Variants in ALMS1 observed in about 807,000 individuals in gnomAD.
The protein encoded by ALMS1 is ALMS1 centrosome and basal body associated protein.
ALMS1 carries 271 observed loss-of-function variants against 352.2 expected under a neutral mutation model. The ratio of observed to expected loss-of-function variants is 0.77; its 90% CI spans 0.70 to 0.85. The LOEUF is 0.85. ALMS1 is among the 40% of genes least tolerant of loss of function. ALMS1 has a pLI of 0.00. For synonymous variants in ALMS1, 1,865 were observed against 1,761.2 expected, an observed-to-expected ratio of 1.06 and a Z score of -1.48; for missense variants, 5,445 against 4,870.7, an observed-to-expected ratio of 1.12 and a Z score of -3.51.
intron 10 of ALMS1, among the ~76,000 whole-genome samples, chr2:73,493,911 A>T (rs1673045761): frequency 6.6e-6 from 1 of 152,148 alleles, no homozygotes; most frequent in African/African-American, 2.4e-5. Context: ...AAACGTGAAA[A>T]TTTATGTAGG....
intron 6 of ALMS1, among the ~76,000 whole-genome samples, chr2:73,427,470 G>A (rs1671404981): frequency 6.6e-6 from 1 of 151,740 alleles, no homozygotes; most frequent in African/African-American, 2.4e-5. Flanking sequence ...GCAACTCTAG[G>A]ATGTCATAAA....
At chr2:73,491,571 T>C (rs767329389) in intron 10 of ALMS1, 73 bp downstream of exon 10, 130 of 1,522,476 alleles carry the variant, frequency 8.5e-5, no homozygotes, top group South Asian at 2.9e-4. Context: ...TAAGTAGATA[T>C]CGGTTCTTGG....
intron 12 of ALMS1, among the ~76,000 whole-genome samples, chr2:73,543,337 C>T (rs956917792): frequency 6.6e-6 from 1 of 152,160 alleles, no homozygotes; most frequent in Non-Finnish European, 1.5e-5. Flanking sequence ...AAGTGGATCC[C>T]TTCCTTATAC....
At chr2:73,529,039 G>A (rs1222045401) in intron 11 of ALMS1, among the ~76,000 whole-genome samples, 3 of 99,512 alleles carry the variant, frequency 3.0e-5, no homozygotes, top group Non-Finnish European at 4.0e-5. Flanking sequence ...CCTCAAAGCA[G>A]TTTTTTTTTT....
intron 9 of ALMS1, among the ~76,000 whole-genome samples, chr2:73,472,043 A>G (rs1176780420): frequency 6.6e-6 from 1 of 152,088 alleles, no homozygotes; most frequent in East Asian, 1.9e-4. Flanking sequence ...GTATGTGACA[A>G]CATGGATGAC....
intron 10 of ALMS1, 48 bp downstream of exon 10, chr2:73,491,546 A>G: frequency 6.3e-7 from 1 of 1,591,766 alleles, no homozygotes; most frequent in Non-Finnish European, 8.6e-7. Flanking sequence ...TTTGTAATAA[A>G]GGGTTTCAAA....
chr2:73,593,886 A>T lies in ALMS1; in HGVS notation c.11548-5515A>T, dbSNP rs146391974. Among the ~76,000 whole-genome samples, 381 of 152,356 alleles carry T rather than the reference A, an allele frequency of 2.5e-3. 4 individuals carry two copies. Among genetic ancestry groups the T allele is most frequent in the African/African-American group, 8.8e-3 (367 of 41,586 alleles). Reference sequence around the variant, plus strand: ...TCATTCACTTAACATAGTATTTTCAAGGTTCGTACACCTCATAGCATGTGC... The same window carrying T: ...TCATTCACTTAACATAGTATTTTCATGGTTCGTACACCTCATAGCATGTGC... On this transcript the variant is annotated intron_variant, in intron 16 of 22. Transcript: ENST00000613296.
chr2:73,598,741 A>G (rs1043175645), intron 16 of ALMS1, among the ~76,000 whole-genome samples: 20 of 152,216 alleles, frequency 1.3e-4, no homozygotes, highest in African/African-American at 3.6e-4. Flanking sequence ...GATATTAACA[A>G]TGAACAAGTT....
chr2:73,483,967 C>T (rs888040382), intron 9 of ALMS1, among the ~76,000 whole-genome samples: 2 of 150,666 alleles, frequency 1.3e-5, no homozygotes, highest in Admixed American at 6.6e-5. Context: ...CTATGTGTGT[C>T]TCTGCATGTG....
At chr2:73,424,404 A>C (rs771336170) in intron 4 of ALMS1, 26 bp from the exon 5 acceptor site, 6 of 1,361,966 alleles carry the variant, frequency 4.4e-6, no homozygotes, top group Non-Finnish European at 5.0e-6. Flanking sequence ...TTATTTATTT[A>C]TTTATTTTTA....
intron 21 of ALMS1, among the ~76,000 whole-genome samples, chr2:73,607,790 T>C (rs933008420): frequency 2.1e-4 from 32 of 151,434 alleles, no homozygotes; most frequent in African/African-American, 6.8e-4. Context: ...ATTACAGGCA[T>C]CTGCCACCAT....
In ALMS1 at chr2:73,451,604, C is replaced by T. The variant is rs1671941473; in HGVS notation, c.5077C>T (p.Pro1693Ser). Residue 1693 changes from proline to serine, a missense_variant, in exon 8 of 23, where the codon CCT (proline) becomes TCT (serine). Physicochemically the swap from Pro to Ser is moderately conservative, Grantham distance 74 (BLOSUM62 -1). Transcript: ENST00000613296. Reference protein sequence around the residue: ...HLPEEALKVPPVPGPDAQKTE... With the variant: ...HLPEEALKVPSVPGPDAQKTE... ...ACCTGAAGAAGCTCTGAAAGTTCCA[C>T]CTGTTCCTGGACCAGATGCCCAGAA... 1 of 1,613,832 alleles carries T rather than the reference C, an allele frequency of 6.2e-7. No individual in the cohort carries two copies. Among genetic ancestry groups the T allele is most frequent in the Non-Finnish European group, 8.5e-7 (1 of 1,179,970 alleles).
intron 19 of ALMS1, 52 bp from the exon 20 acceptor site, chr2:73,602,133 G>C: frequency 6.4e-7 from 1 of 1,555,716 alleles, no homozygotes; most frequent in Non-Finnish European, 8.8e-7. Flanking sequence ...ATGGAGAGTA[G>C]ATTGCATCAT....
chr2:73,579,153 G>A (rs755715655), intron 16 of ALMS1, among the ~76,000 whole-genome samples: 1 of 142,134 alleles, frequency 7.0e-6, no homozygotes, highest in Non-Finnish European at 1.5e-5. Flanking sequence ...TCCACCTCCC[G>A]GGTTCCAGCA....
rs143885319 is a variant in ALMS1 at position 73,449,291 on chromosome 2, C to T, written c.2764C>T (p.Leu922=). ...GCCCATTATTTTTTCCCAGCAGACC[C>T]TGCCAGACTTTCTTTTCCCTGAAGA... ...EKPIIFSQQT[L]PDFLFPEEAL... Residue 922 remains leucine, a synonymous_variant, in exon 8 of 23, where the codon CTG becomes TTG. Transcript: ENST00000613296. The T allele has an allele frequency of 7.9e-4, 1,278 of 1,613,850 alleles. 6 individuals are homozygous for T. The African/African-American group carries it at 0.015, about 19-fold the overall frequency.
chr2:73,471,493 C>A (rs374994594), intron 9 of ALMS1, among the ~76,000 whole-genome samples: 128 of 113,572 alleles, frequency 1.1e-3, no homozygotes, highest in East Asian at 1.8e-3. Context: ...ACTCAACAGC[C>A]AAAAAAAAAA....
intron 9 of ALMS1, chr2:73,470,973 C>T (rs1672454298): frequency 6.6e-6 from 1 of 151,662 alleles, no homozygotes; most frequent in Admixed American, 6.6e-5. Context: ...TCACTTTTAG[C>T]CTGTGTGTCC....
chr2:73,558,309 T>C (rs1351820511), intron 14 of ALMS1, among the ~76,000 whole-genome samples: 1 of 152,250 alleles, frequency 6.6e-6, no homozygotes, highest in Non-Finnish European at 1.5e-5. Context: ...GCTTCTCTTC[T>C]TTAGGTATTG....
At chr2:73,499,766 A>C (rs1016868599) in intron 10 of ALMS1, among the ~76,000 whole-genome samples, 8 of 152,176 alleles carry the variant, frequency 5.3e-5, no homozygotes, top group Non-Finnish European at 8.8e-5. Flanking sequence ...TTATGGGGGC[A>C]GATCCCTCAT....
Sources: allele counts gnomAD v4.1 joint callset (sites outside exome capture counted in the v4.1 genomes callset), GRCh38; gene constraint gnomAD v4.1.1; transcripts MANE v1.5; gene names NCBI Gene and HGNC (gene_info 2026-07-23, HGNC 2026-07-21).